POU6F2: variants seen among roughly 807,000 people sequenced by gnomAD.
POU6F2 encodes POU domain, class 6, transcription factor 2.
In POU6F2, 31 loss-of-function variants were observed where a neutral mutation model predicts 71.3. The ratio of observed to expected loss-of-function variants is 0.43; its 90% CI spans 0.33 to 0.59. The LOEUF (loss-of-function observed/expected upper bound fraction) is 0.59. POU6F2 is among the 20% of genes least tolerant of loss of function. The pLI is 0.04. For missense variants in POU6F2, 783 were observed against 856.8 expected, an observed-to-expected ratio of 0.91 and a Z score of 1.07; for synonymous variants, 347 against 355.7, an observed-to-expected ratio of 0.98 and a Z score of 0.27.
intron 6 of POU6F2, among the ~76,000 whole-genome samples, chr7:39,412,484 G>A (rs1027179700): frequency 6.6e-6 from 1 of 152,064 alleles, no homozygotes; most frequent in Non-Finnish European, 1.5e-5. Flanking sequence ...CTGCCAAAAA[G>A]AACTAACAAA....
chr7:39,053,851 C>T (rs1236185784), intron 1 of POU6F2, among the ~76,000 whole-genome samples: 3 of 151,962 alleles, frequency 2.0e-5, no homozygotes, highest in East Asian at 1.9e-4. Context: ...GGATGTAATC[C>T]GAGCACTTTG....
intron 2 of POU6F2, among the ~76,000 whole-genome samples, chr7:39,089,360 C>T (rs774670435): frequency 6.6e-6 from 1 of 152,110 alleles, no homozygotes; most frequent in Non-Finnish European, 1.5e-5. Context: ...TAGAGGAGAA[C>T]AGGCTTGCAT....
intron 1 of POU6F2, among the ~76,000 whole-genome samples, chr7:39,058,274 G>A (rs993889116): frequency 2.0e-5 from 3 of 152,196 alleles, no homozygotes; most frequent in South Asian, 4.1e-4. Context: ...CTAGGAGCCA[G>A]TCAATGCCCC....
intron 4 of POU6F2, among the ~76,000 whole-genome samples, chr7:39,212,991 A>G (rs542859913): frequency 2.0e-5 from 3 of 152,342 alleles, no homozygotes; most frequent in Admixed American, 2.0e-4. Context: ...AGCTGAGTCT[A>G]CTTCTGGGAC....
At chr7:39,246,520 C>T (rs556346907) in intron 4 of POU6F2, among the ~76,000 whole-genome samples, 3 of 152,244 alleles carry the variant, frequency 2.0e-5, no homozygotes, top group African/African-American at 7.2e-5. Context: ...CAGGTGTCAA[C>T]CCCAGCCCTC....
intron 1 of POU6F2, among the ~76,000 whole-genome samples, chr7:38,978,650 A>G (rs1788239303): frequency 6.6e-6 from 1 of 152,216 alleles, no homozygotes; most frequent in Non-Finnish European, 1.5e-5. Flanking sequence ...CAATCTTGAA[A>G]GGTCCAGGTG....
At chr7:39,224,383 A>C (rs1033273712) in intron 4 of POU6F2, among the ~76,000 whole-genome samples, 14 of 152,168 alleles carry the variant, frequency 9.2e-5, no homozygotes, top group African/African-American at 3.4e-4. Context: ...AACCAAAAAA[A>C]AAAAAAAGAG....
At chr7:39,312,795 G>C (rs1469982309) in intron 4 of POU6F2, among the ~76,000 whole-genome samples, 2 of 152,228 alleles carry the variant, frequency 1.3e-5, no homozygotes, top group African/African-American at 4.8e-5. Flanking sequence ...GTGACTAACA[G>C]GTGGGGAGTG....
chr7:39,059,311 A>G (rs1584521845), intron 1 of POU6F2, among the ~76,000 whole-genome samples: 1 of 152,148 alleles, frequency 6.6e-6, no homozygotes, highest in African/African-American at 2.4e-5. Flanking sequence ...AAATGTATAT[A>G]TACTTCTAGG....
intron 1 of POU6F2, among the ~76,000 whole-genome samples, chr7:39,051,215 T>G (rs2128713925): frequency 6.6e-6 from 1 of 152,096 alleles, no homozygotes; most frequent in East Asian, 1.9e-4. Context: ...TTAGAGTGAG[T>G]CTCTGATAGG....
At chr7:39,383,100 C>T (rs2115802194) in intron 5 of POU6F2, among the ~76,000 whole-genome samples, 1 of 152,242 alleles carries the variant, frequency 6.6e-6, no homozygotes, top group Non-Finnish European at 1.5e-5. Flanking sequence ...AGGACAGGTA[C>T]CAAAATATTA....
At chr7:39,100,353 C>T (rs1791543505) in intron 2 of POU6F2, among the ~76,000 whole-genome samples, 2 of 152,306 alleles carry the variant, frequency 1.3e-5, no homozygotes, top group South Asian at 2.1e-4. Flanking sequence ...CATGTTATAA[C>T]CTTTGTTGGG....
chr7:39,017,165 G>T (rs1332450772), intron 1 of POU6F2, among the ~76,000 whole-genome samples: 1 of 152,096 alleles, frequency 6.6e-6, no homozygotes, highest in Non-Finnish European at 1.5e-5. Flanking sequence ...TGCCTAATAG[G>T]TGGATGCTGT....
At chr7:39,070,761 A>G (rs1391946201) in intron 1 of POU6F2, among the ~76,000 whole-genome samples, 3 of 152,180 alleles carry the variant, frequency 2.0e-5, no homozygotes, top group Middle Eastern at 3.2e-3. Context: ...TGTAAGTTAC[A>G]TACCCACACC....
intron 1 of POU6F2, among the ~76,000 whole-genome samples, chr7:39,028,111 T>C (rs1789856128): frequency 1.3e-5 from 2 of 152,146 alleles, no homozygotes; most frequent in South Asian, 4.1e-4. Context: ...TTTTTTCATA[T>C]ATTTATTTGA....
chr7:39,021,000 G>A (rs895643088), intron 1 of POU6F2, among the ~76,000 whole-genome samples: 1 of 150,642 alleles, frequency 6.6e-6, no homozygotes, highest in Non-Finnish European at 1.5e-5. Context: ...TCTCTGGCTG[G>A]GTTTTGTTTT....
chr7:39,233,013 C>T (rs1794603153), intron 4 of POU6F2, among the ~76,000 whole-genome samples: 3 of 152,162 alleles, frequency 2.0e-5, no homozygotes, highest in South Asian at 4.1e-4. Flanking sequence ...ATTTAGATCA[C>T]ATTGTAGCAT....
At chr7:39,018,330 G>T (rs2128706038) in intron 1 of POU6F2, among the ~76,000 whole-genome samples, 1 of 152,232 alleles carries the variant, frequency 6.6e-6, no homozygotes, top group East Asian at 1.9e-4. Context: ...GATTCTGATT[G>T]GTTTGCAGAG....
At chr7:39,283,958 A>G (rs73128456) in intron 4 of POU6F2, among the ~76,000 whole-genome samples, 10,183 of 152,282 alleles carry the variant, frequency 0.067, 389 homozygotes, top group South Asian at 0.18. Context: ...CGCTTAAACC[A>G]TTTAAGTGAT....
Sources: allele counts gnomAD v4.1 joint callset (sites outside exome capture counted in the v4.1 genomes callset), GRCh38; gene constraint gnomAD v4.1.1; transcripts MANE v1.5; gene names NCBI Gene and HGNC (gene_info 2026-07-23, HGNC 2026-07-21).